The following PTPRM variants were observed in gnomAD, a reference collection of about 807,000 sequenced individuals.
The protein encoded by PTPRM is protein tyrosine phosphatase receptor type M.
A neutral mutation model predicts 186.7 loss-of-function variants in PTPRM; 47 were observed. That is an observed-to-expected ratio of 0.25 (90% CI 0.20 to 0.32). The LOEUF is 0.32. PTPRM is among the 10% of genes least tolerant of loss of function. The pLI is 1.00. For synonymous variants in PTPRM, 668 were observed against 674.9 expected (o/e 0.99, Z 0.16); for missense variants, 1,494 against 1,865.0 (o/e 0.80, Z 3.66).
At chr18:8,276,476 C>T (rs1031668541) in intron 19 of PTPRM, among the ~76,000 whole-genome samples, 2 of 152,150 alleles carry the variant, frequency 1.3e-5, no homozygotes, top group African/African-American at 4.8e-5. Context: ...TAGTGGACTT[C>T]CTCGTGGTGG....
intron 9 of PTPRM, 88 bp from the exon 10 acceptor site, chr18:8,085,583 G>A: frequency 8.9e-7 from 1 of 1,125,444 alleles, no homozygotes; most frequent in South Asian, 1.3e-5. Context: ...GTGTCTGACA[G>A]TGCATACATC....
intron 2 of PTPRM, among the ~76,000 whole-genome samples, chr18:7,832,020 C>T (rs1014393360): frequency 1.3e-5 from 2 of 152,156 alleles, no homozygotes; most frequent in South Asian, 2.1e-4. Flanking sequence ...CCTTATCCAT[C>T]CTTCTGTTGA....
intron 1 of PTPRM, among the ~76,000 whole-genome samples, chr18:7,711,228 G>C (rs1365532993): frequency 2.0e-5 from 3 of 152,140 alleles, no homozygotes; most frequent in Non-Finnish European, 1.5e-5. Flanking sequence ...AAGCTCAAGG[G>C]GTCGGGGAAC....
At chr18:8,378,994 C>T (rs186058598) in intron 27 of PTPRM, among the ~76,000 whole-genome samples, 173 bp from the exon 28 acceptor site, 41 of 151,632 alleles carry the variant, frequency 2.7e-4, no homozygotes, top group Admixed American at 2.4e-3. Flanking sequence ...TGTCAGTGGA[C>T]GAAATCCAAG....
intron 14 of PTPRM, among the ~76,000 whole-genome samples, chr18:8,152,934 T>A (rs143695914): frequency 4.3e-4 from 65 of 152,198 alleles, no homozygotes; most frequent in Non-Finnish European, 7.4e-4. Context: ...GCCAGGATGG[T>A]CTTGATCTCC....
At position 7,964,178 on chromosome 18, in the gene PTPRM, A is replaced by G. The variant is rs118067160; in HGVS notation, c.1132+8764A>G. Among the ~76,000 whole-genome samples, 121 of 152,344 alleles carry G rather than the reference A, an allele frequency of 7.9e-4. 2 individuals carry two copies. The East Asian group carries it at 0.022, about 28-fold the overall frequency. On this transcript the variant is annotated intron_variant, in intron 7 of 32. Transcript: ENST00000580170. ...TTTATACTACACTGGGGTCCTATGC[A>G]TAATCTGTATGTACTGCATACGTAT...
At chr18:8,248,407 G>T in intron 17 of PTPRM, 1 of 598,304 alleles carries the variant, frequency 1.7e-6, no homozygotes, top group South Asian at 1.8e-5. Flanking sequence ...ATACCAACAG[G>T]TTCAAATGAA....
At chr18:8,013,978 G>A (rs972317561) in intron 7 of PTPRM, among the ~76,000 whole-genome samples, 3 of 152,028 alleles carry the variant, frequency 2.0e-5, no homozygotes, top group African/African-American at 4.8e-5. Context: ...ATATCATCCC[G>A]AAACTCAAGA....
chr18:7,676,684 T>TGC (rs1568022345), intron 1 of PTPRM, among the ~76,000 whole-genome samples: 3 of 144,104 alleles, frequency 2.1e-5, no homozygotes, highest in African/African-American at 8.1e-5. Flanking sequence ...TGTGTGTGTG[T>TGC]GTGTGCGCGT....
intron 7 of PTPRM, among the ~76,000 whole-genome samples, chr18:7,960,425 C>T (rs2053579796): frequency 6.9e-6 from 1 of 145,630 alleles, no homozygotes; most frequent in Non-Finnish European, 1.5e-5. Context: ...TTTTGGGGTA[C>T]TGGAGGAAGG....
At chr18:7,929,957 G>T (rs975508282) in intron 5 of PTPRM, among the ~76,000 whole-genome samples, 13 of 152,188 alleles carry the variant, frequency 8.5e-5, no homozygotes, top group African/African-American at 2.9e-4. Context: ...TTGAAGAAAA[G>T]AACTTATTTT....
At chr18:7,582,603 G>T (rs555191710) in intron 1 of PTPRM, among the ~76,000 whole-genome samples, 3 of 152,140 alleles carry the variant, frequency 2.0e-5, no homozygotes, top group African/African-American at 7.2e-5. Flanking sequence ...CTTACAGAGG[G>T]GTCTGCTAGG....
chr18:7,950,996 G>A (rs770297810), intron 6 of PTPRM, among the ~76,000 whole-genome samples: 3 of 152,168 alleles, frequency 2.0e-5, no homozygotes, highest in Admixed American at 6.5e-5. Flanking sequence ...AGGCCACCTC[G>A]AGAATCGTCT....
chr18:8,307,662 G>A (rs1488805004), intron 20 of PTPRM, among the ~76,000 whole-genome samples: 1 of 151,982 alleles, frequency 6.6e-6, no homozygotes, highest in Non-Finnish European at 1.5e-5. Flanking sequence ...AAATTAGCTG[G>A]GCATGGTGGC....
At chr18:7,774,957 G>A (rs646434) in intron 2 of PTPRM, among the ~76,000 whole-genome samples, 1,799 of 152,190 alleles carry the variant, frequency 0.012, 36 homozygotes, top group African/African-American at 0.041. Context: ...AGGACTTTAG[G>A]TCTGCAGATT....
At chr18:8,210,050 GCCTA>G (rs1388300924) in intron 14 of PTPRM, among the ~76,000 whole-genome samples, 1 of 136,868 alleles carries the variant, frequency 7.3e-6, no homozygotes, top group African/African-American at 2.7e-5. Flanking sequence ...CATGCCTCAT[GCCTA>G]TAATCCCAAC....
intron 1 of PTPRM, among the ~76,000 whole-genome samples, chr18:7,666,179 G>T (rs561071152): frequency 6.6e-6 from 1 of 152,066 alleles, no homozygotes; most frequent in East Asian, 1.9e-4. Context: ...TCCTCCTTCC[G>T]TGAAGATTTT....
At chr18:8,175,960 C>T (rs2093474037) in intron 14 of PTPRM, among the ~76,000 whole-genome samples, 1 of 152,188 alleles carries the variant, frequency 6.6e-6, no homozygotes, top group African/African-American at 2.4e-5. Flanking sequence ...GCCTAAAGAA[C>T]AAGCATGTGC....
At chr18:7,723,411 T>G (rs1411744678) in intron 1 of PTPRM, among the ~76,000 whole-genome samples, 3 of 152,178 alleles carry the variant, frequency 2.0e-5, no homozygotes, top group Middle Eastern at 3.2e-3. Flanking sequence ...AAAATCTTGG[T>G]GAATTCTCTT....
Sources: allele counts gnomAD v4.1 joint callset (sites outside exome capture counted in the v4.1 genomes callset), GRCh38; gene constraint gnomAD v4.1.1; transcripts MANE v1.5; gene names NCBI Gene and HGNC (gene_info 2026-07-23, HGNC 2026-07-21).